Variants in ALG12 observed in about 807,000 individuals in gnomAD.
The protein encoded by ALG12 is ALG12 alpha-1,6-mannosyltransferase, also known as dol-P-Man:Man(7)GlcNAc(2)-PP-Dol alpha-1,6-mannosyltransferase.
Under a neutral mutation model 46.0 loss-of-function variants are expected in ALG12, and 36 were observed. That is an observed-to-expected ratio of 0.78 (90% CI 0.60 to 1.03). ALG12 has a LOEUF of 1.03. Ranked by LOEUF, ALG12 falls within the 50% of genes least tolerant of loss-of-function variation. The pLI is 0.00. For missense variants in ALG12, 599 were observed against 633.5 expected (o/e 0.95, Z 0.58); for synonymous variants, 326 against 291.6 (o/e 1.12, Z -1.20).
intron 1 of ALG12, among the ~76,000 whole-genome samples, chr22:49,914,712 G>A (rs1402562200): frequency 1.3e-5 from 2 of 152,192 alleles, no homozygotes; most frequent in African/African-American, 4.8e-5. Flanking sequence ...GAGAACCCCA[G>A]GGCTTACCAT....
At chr22:49,885,794 A>G in the ALG12 span, 1 of 1,603,784 alleles carries the variant, frequency 6.2e-7, no homozygotes, top group South Asian at 1.1e-5. Context: ...ATGTATGATA[A>G]TGTGAAGCAG....
At chr22:49,880,401 G>A in the ALG12 span, among the ~76,000 whole-genome samples, 30 of 152,290 alleles carry the variant, frequency 2.0e-4, 2 homozygotes, top group South Asian at 1.9e-3. Context: ...CTCCTCTCCC[G>A]CGCTCGGGAC....
chr22:49,887,286 G>T, the ALG12 span: 3 of 1,210,602 alleles, frequency 2.5e-6, no homozygotes, highest in East Asian at 4.9e-5. Context: ...ATCAGACCAG[G>T]CACTCTCAGG....
In ALG12 at chr22:49,901,755, GTGTA is replaced by G. The variant is rs2060507732; in HGVS notation, c.*2079_*2082del. On this transcript the variant is annotated 3_prime_UTR_variant, in exon 10 of 10. Transcript: ENST00000330817. ...TGTGCACGTGCATTGTGCATGCGTG[GTGTA>G]TGCATGGTAATGTGCACGTGTGCAC... 1 of 112,638 alleles carries G rather than the reference GTGTA, an allele frequency of 8.9e-6. No homozygotes were observed. 7.0% of individuals were successfully genotyped at this position (112,638 alleles called of 1,614,324 possible).
At chr22:49,910,288 G>A in intron 4 of ALG12, 146 bp downstream of exon 4, 1 of 1,268,262 alleles carries the variant, frequency 7.9e-7, no homozygotes, top group Non-Finnish European at 1.1e-6. Flanking sequence ...AAAACAAAGA[G>A]CCTGGTTTCA....
downstream of ALG12, among the ~76,000 whole-genome samples, chr22:49,899,753 CCTAA>C (rs1569170297): frequency 6.6e-6 from 1 of 152,036 alleles, no homozygotes; most frequent in African/African-American, 2.4e-5. Flanking sequence ...TTGGAAATAA[CCTAA>C]CTGACCACAG....
At chr22:49,880,514 A>G in the ALG12 span, among the ~76,000 whole-genome samples, 1 of 152,100 alleles carries the variant, frequency 6.6e-6, no homozygotes, top group Non-Finnish European at 1.5e-5. Flanking sequence ...CTCCCTCTTT[A>G]GCTTTCACAC....
chr22:49,896,249 A>G (rs1313024687), downstream of ALG12, among the ~76,000 whole-genome samples: 1 of 152,232 alleles, frequency 6.6e-6, no homozygotes, highest in Non-Finnish European at 1.5e-5. Flanking sequence ...CGTCATCCTC[A>G]TGCTCAGGAA....
chr22:49,877,324 C>T, the ALG12 span, among the ~76,000 whole-genome samples: 37 of 151,590 alleles, frequency 2.4e-4, no homozygotes, highest in Non-Finnish European at 7.4e-5. Context: ...TGGAGTTTTG[C>T]TCTGTCGCCC....
the ALG12 span, chr22:49,886,478 C>T: frequency 6.4e-7 from 1 of 1,570,152 alleles, no homozygotes; most frequent in South Asian, 1.2e-5. The surrounding 1 kb of genome is among the most constrained non-coding windows in gnomAD (Gnocchi z 7.7). Context: ...GCGCTAAAGC[C>T]CTTCGAGGCT....
the ALG12 span, among the ~76,000 whole-genome samples, chr22:49,871,757 A>ATT: frequency 8.4e-3 from 522 of 62,164 alleles, 13 homozygotes; most frequent in East Asian, 0.12. Flanking sequence ...TTATTTATTT[A>ATT]TTTTTTTTTT....
the ALG12 span, among the ~76,000 whole-genome samples, chr22:49,877,842 C>T: frequency 6.6e-6 from 1 of 152,106 alleles, no homozygotes; most frequent in African/African-American, 2.4e-5. Flanking sequence ...ACAGACCTGC[C>T]CTTTGGCCTC....
the ALG12 span, among the ~76,000 whole-genome samples, chr22:49,862,872 T>C: frequency 2.0e-5 from 3 of 151,928 alleles, no homozygotes; most frequent in Admixed American, 2.0e-4. Flanking sequence ...TGGCTAATTT[T>C]TGTAGTTTTA....
In ALG12 at chr22:49,913,368, G is replaced by T; in HGVS notation, c.295+17C>A. 6.2e-7 allele frequency: 1 copy of T among 1,613,534 alleles called. No homozygotes were observed. Among genetic ancestry groups the T allele is most frequent in the Non-Finnish European group, 8.5e-7 (1 of 1,180,012 alleles). ...ACAGTCCCTCACTCCCTCCTCCTTT[G>T]TTGAAGACCCCCTTACCTATTAGCT... On this transcript the variant is annotated intron_variant, in intron 3 of 9. Transcript: ENST00000330817.
the ALG12 span, among the ~76,000 whole-genome samples, chr22:49,870,049 T>C: frequency 6.6e-6 from 1 of 152,192 alleles, no homozygotes; most frequent in East Asian, 1.9e-4. Context: ...CATGCTTAGC[T>C]CCCACTGATA....
At chr22:49,883,434 A>G in the ALG12 span, 18 of 480,032 alleles carry the variant, frequency 3.7e-5, no homozygotes, top group Non-Finnish European at 6.3e-5. Context: ...TGTCTACACC[A>G]TGAGTGTTTA....
chr22:49,892,243 C>T, the ALG12 span, among the ~76,000 whole-genome samples: 2 of 150,030 alleles, frequency 1.3e-5, no homozygotes, highest in African/African-American at 4.9e-5. Context: ...GTAAGACAGC[C>T]AGGATTTGAA....
intron 6 of ALG12, 114 bp from the exon 7 acceptor site, chr22:49,908,058 T>C: frequency 9.4e-7 from 1 of 1,062,042 alleles, no homozygotes; most frequent in Non-Finnish European, 1.4e-6. Flanking sequence ...AGATGCAGCC[T>C]GGACCACGGC....
At chr22:49,908,157 G>A (rs1436713121) in intron 6 of ALG12, among the ~76,000 whole-genome samples, 3 of 152,218 alleles carry the variant, frequency 2.0e-5, no homozygotes, top group African/African-American at 7.2e-5. Flanking sequence ...CCACTTGGGC[G>A]TCGGGCCCCC....
Sources: allele counts gnomAD v4.1 joint callset (sites outside exome capture counted in the v4.1 genomes callset), GRCh38; gene constraint gnomAD v4.1.1; non-coding constraint Gnocchi (gnomAD v3.1); transcripts MANE v1.5; gene names NCBI Gene and HGNC (gene_info 2026-07-23, HGNC 2026-07-21).